TMEM38B: variants seen among roughly 807,000 people sequenced by gnomAD.
The protein encoded by TMEM38B is transmembrane protein 38B.
In TMEM38B, 24 loss-of-function variants were observed where a neutral mutation model predicts 28.7. The observed-to-expected ratio is 0.84, with a 90% CI of 0.61 to 1.18. The LOEUF (loss-of-function observed/expected upper bound fraction) is 1.18. TMEM38B is among the 50% of genes most tolerant of loss of function. TMEM38B has a pLI of 0.00. For missense variants in TMEM38B, 380 were observed against 350.9 expected (o/e 1.08, Z -0.66); for synonymous variants, 131 against 127.7 (o/e 1.03, Z -0.17).
chr9:105,774,229 G>C lies in TMEM38B; in HGVS notation c.*149G>C. ...AGAAAGAAATTCTTTGTTTGAGGGA[G>C]ACTTCCCCTTTCTGGATTGTATTTG... On this transcript the variant is annotated 3_prime_UTR_variant, in exon 6 of 6. Transcript: ENST00000374692. 1 of 647,596 alleles carries C rather than the reference G, an allele frequency of 1.5e-6. No homozygotes were observed. Among genetic ancestry groups the C allele is most frequent in the Non-Finnish European group, 2.6e-6 (1 of 379,746 alleles). The allele number at this position is 647,596 out of a possible 1,614,324, so 40.1% of individuals were successfully genotyped here. A position where few individuals can be genotyped will look rare whatever the true frequency, so the allele number is the denominator to read the frequency against.
chr9:105,769,164 A>G (rs1197220453), intron 5 of TMEM38B, among the ~76,000 whole-genome samples: 1 of 152,206 alleles, frequency 6.6e-6, no homozygotes, highest in Non-Finnish European at 1.5e-5. Flanking sequence ...AAGTTAAAGG[A>G]AAGTTATCAA....
intron 4 of TMEM38B, among the ~76,000 whole-genome samples, chr9:105,746,400 A>G (rs1039822205): frequency 2.0e-5 from 3 of 152,226 alleles, no homozygotes; most frequent in Non-Finnish European, 4.4e-5. Flanking sequence ...GTGTATAAGA[A>G]TGCTCGTGAT....
intron 4 of TMEM38B, among the ~76,000 whole-genome samples, chr9:105,731,022 G>A (rs1181994459): frequency 1.3e-5 from 2 of 152,048 alleles, no homozygotes; most frequent in Admixed American, 6.5e-5. Flanking sequence ...CCAGCTCCTG[G>A]ATTCATTGAT....
intron 5 of TMEM38B, among the ~76,000 whole-genome samples, chr9:105,751,223 TGGAGAA>T (rs1564410524): frequency 6.6e-6 from 1 of 152,050 alleles, no homozygotes; most frequent in East Asian, 1.9e-4. Context: ...GCTTAACCCA[TGGAGAA>T]GGAAGAAAAG....
chr9:105,729,399 A>G (rs549094767), intron 4 of TMEM38B, among the ~76,000 whole-genome samples: 5 of 152,104 alleles, frequency 3.3e-5, no homozygotes, highest in Non-Finnish European at 4.4e-5. Flanking sequence ...GTAGCTGTGT[A>G]GTGTTATCTC....
intron 4 of TMEM38B, among the ~76,000 whole-genome samples, chr9:105,728,452 A>G (rs1451552961): frequency 1.3e-5 from 2 of 152,152 alleles, no homozygotes; most frequent in Admixed American, 6.5e-5. Flanking sequence ...ATAATATTCC[A>G]TGGTGTATAT....
intron 4 of TMEM38B, among the ~76,000 whole-genome samples, chr9:105,729,198 G>T (rs1836638254): frequency 6.6e-6 from 1 of 152,164 alleles, no homozygotes; most frequent in Admixed American, 6.5e-5. Flanking sequence ...TTCTTCCAGG[G>T]ATTTTATGGT....
At chr9:105,709,082 AATTTGGTGAAC>A (rs1220511337) in intron 2 of TMEM38B, among the ~76,000 whole-genome samples, 1 of 152,056 alleles carries the variant, frequency 6.6e-6, no homozygotes, top group African/African-American at 2.4e-5. Flanking sequence ...TAAAAAGTAA[AATTTGGTGAAC>A]ATTTTCTCAA....
intron 4 of TMEM38B, 91 bp from the exon 5 acceptor site, chr9:105,747,982 A>G: frequency 1.2e-6 from 1 of 824,316 alleles, no homozygotes; most frequent in South Asian, 1.6e-5. Flanking sequence ...TTAATAACCC[A>G]TTAAGTTAAT....
intron 2 of TMEM38B, among the ~76,000 whole-genome samples, chr9:105,709,823 C>T (rs1835831416): frequency 1.3e-5 from 2 of 152,180 alleles, no homozygotes; most frequent in Admixed American, 6.5e-5. Flanking sequence ...GCAAGATTTG[C>T]CAATAATGGC....
At chr9:105,733,186 G>A (rs993683924) in intron 4 of TMEM38B, among the ~76,000 whole-genome samples, 4 of 152,112 alleles carry the variant, frequency 2.6e-5, no homozygotes, top group African/African-American at 9.7e-5. Flanking sequence ...AGTGCGATGT[G>A]GTGCTGAGAA....
In TMEM38B at chr9:105,773,969, G is replaced by C. The variant is rs767058870; in HGVS notation, c.765G>C (p.Glu255Asp). ...GGCAGCAGCCGTTTTCATCATGTGA[G>C]AAGAAAAGTGAAGCAAAGTCACCTT... ...FGWQQPFSSC[E>D]KKSEAKSPSN... The change falls in exon 6 of 6, where the codon GAG becomes GAC. Residue 255 changes from glutamate to aspartate, a missense_variant. Glu to Asp is a conservative substitution (Grantham distance 45, BLOSUM62 2). Coordinates refer to ENST00000374692, the MANE Select transcript of TMEM38B (RefSeq NM_018112.3). 3 of 1,613,790 alleles carry C rather than the reference G, an allele frequency of 1.9e-6. No homozygotes were observed. The highest frequency in any genetic ancestry group is 2.2e-5 in the East Asian group (1 of 44,880).
intron 1 of TMEM38B, among the ~76,000 whole-genome samples, chr9:105,695,287 G>C (rs1413849010): frequency 2.0e-5 from 3 of 152,098 alleles, no homozygotes; most frequent in Non-Finnish European, 4.4e-5. Flanking sequence ...CTACTCTCCA[G>C]TTATGAAAGT....
intron 5 of TMEM38B, among the ~76,000 whole-genome samples, chr9:105,762,127 C>T (rs1210171877): frequency 6.6e-6 from 1 of 151,950 alleles, no homozygotes; most frequent in Non-Finnish European, 1.5e-5. Context: ...TCTCATTTCT[C>T]AATATAATTT....
intron 2 of TMEM38B, among the ~76,000 whole-genome samples, chr9:105,706,199 A>G (rs1320327058): frequency 1.3e-5 from 2 of 152,216 alleles, no homozygotes; most frequent in African/African-American, 4.8e-5. Flanking sequence ...GCACCCAGCC[A>G]TGCCAAAGGC....
intron 4 of TMEM38B, among the ~76,000 whole-genome samples, chr9:105,741,239 G>A (rs6477462): frequency 0.23 from 35,510 of 152,046 alleles, 6,801 homozygotes; most frequent in African/African-American, 0.51. Flanking sequence ...AAACCACTGA[G>A]CTTGTTATAA....
intron 2 of TMEM38B, chr9:105,710,512 A>G: frequency 1.6e-6 from 2 of 1,253,642 alleles, no homozygotes; most frequent in East Asian, 2.3e-5. Context: ...GTGTCTTCCG[A>G]TCCCCCTGGG....
chr9:105,708,554 C>T (rs1314544661), intron 2 of TMEM38B, among the ~76,000 whole-genome samples: 1 of 152,152 alleles, frequency 6.6e-6, no homozygotes, highest in Non-Finnish European at 1.5e-5. Flanking sequence ...TAAAACCCTG[C>T]AAAATACTCG....
rs113159284 is a variant in TMEM38B at position 105,774,268 on chromosome 9, G to A, written c.*188G>A. The A allele has an allele frequency of 9.2e-6, 5 of 544,834 alleles. No individual in the cohort carries two copies. Among genetic ancestry groups the A allele is most frequent in the Non-Finnish European group, 1.6e-5 (5 of 309,162 alleles). The allele number at this position is 544,834 out of a possible 1,614,324, so 33.7% of individuals were successfully genotyped here. A position where few individuals can be genotyped will look rare whatever the true frequency, so the allele number is the denominator to read the frequency against. On this transcript the variant is annotated 3_prime_UTR_variant, in exon 6 of 6. Coordinates refer to ENST00000374692, the MANE Select transcript of TMEM38B (RefSeq NM_018112.3). ...GGATTGTATTTGTAGAGTGTTACGA[G>A]TGTATCATGTGATTATGCTTTACCG... is the stretch of plus-strand genomic sequence containing the variant.
Sources: allele counts gnomAD v4.1 joint callset (sites outside exome capture counted in the v4.1 genomes callset), GRCh38; gene constraint gnomAD v4.1.1; transcripts MANE v1.5; gene names NCBI Gene and HGNC (gene_info 2026-07-23, HGNC 2026-07-21).